Variants in FMN1 observed in about 807,000 individuals in gnomAD.
FMN1 encodes formin-1.
Under a neutral mutation model 132.4 loss-of-function variants are expected in FMN1, and 110 were observed. The ratio of observed to expected loss-of-function variants is 0.83; its 90% CI spans 0.71 to 0.97. The LOEUF (loss-of-function observed/expected upper bound fraction) is 0.97. FMN1 is among the 50% of genes least tolerant of loss of function. The pLI, the probability that FMN1 is intolerant of heterozygous loss-of-function variation, is 0.00. For synonymous variants in FMN1, 722 were observed against 651.7 expected, an observed-to-expected ratio of 1.11 and a Z score of -1.64; for missense variants, 1,792 against 1,705.3, an observed-to-expected ratio of 1.05 and a Z score of -0.90.
chr15:32,891,947 G>A (rs347934), intron 15 of FMN1, among the ~76,000 whole-genome samples: 4,883 of 152,164 alleles, frequency 0.032, 257 homozygotes, highest in African/African-American at 0.11. Flanking sequence ...AGTTATAGGC[G>A]CTTTCTGGAG....
At chr15:33,083,183 G>C (rs572331021) in intron 5 of FMN1, among the ~76,000 whole-genome samples, 1 of 152,074 alleles carries the variant, frequency 6.6e-6, no homozygotes, top group Non-Finnish European at 1.5e-5. Flanking sequence ...TAAAACCCTC[G>C]TAACTTCTTA....
intron 5 of FMN1, among the ~76,000 whole-genome samples, chr15:33,081,753 G>GT (rs1401251327): frequency 6.6e-6 from 1 of 152,208 alleles, no homozygotes; most frequent in Non-Finnish European, 1.5e-5. Flanking sequence ...GATTTGTACA[G>GT]TATGTATACT....
At chr15:32,924,880 C>A (rs1346553647) in intron 10 of FMN1, among the ~76,000 whole-genome samples, 1 of 152,208 alleles carries the variant, frequency 6.6e-6, no homozygotes, top group Non-Finnish European at 1.5e-5. Flanking sequence ...CGCCACTGCA[C>A]TCCAGCCTGG....
intron 6 of FMN1, among the ~76,000 whole-genome samples, chr15:33,055,072 A>G (rs2037155575): frequency 6.6e-6 from 1 of 152,148 alleles, no homozygotes; most frequent in South Asian, 2.1e-4. Context: ...GGGATTGGAC[A>G]ATGCCTCATT....
At chr15:33,021,195 C>G (rs2035399171) in intron 6 of FMN1, among the ~76,000 whole-genome samples, 1 of 152,176 alleles carries the variant, frequency 6.6e-6, no homozygotes, top group Admixed American at 6.5e-5. Context: ...AGTCAGCAGT[C>G]AAGAACAGCC....
At chr15:33,008,329 A>G (rs1596459691) in intron 6 of FMN1, among the ~76,000 whole-genome samples, 1 of 152,200 alleles carries the variant, frequency 6.6e-6, no homozygotes. Context: ...AGAAAAAAAA[A>G]GGGATGATGA....
chr15:32,800,611 T>C (rs576521063), intron 18 of FMN1, among the ~76,000 whole-genome samples: 3 of 152,342 alleles, frequency 2.0e-5, no homozygotes, highest in Non-Finnish European at 4.4e-5. Context: ...CACAGGACTT[T>C]AGAATGGGAA....
intron 4 of FMN1, among the ~76,000 whole-genome samples, chr15:33,107,508 C>A (rs552476482): frequency 1.3e-5 from 2 of 151,814 alleles, no homozygotes; most frequent in Admixed American, 1.3e-4. Flanking sequence ...CTCTCCCTTA[C>A]TTCATTCCAG....
chr15:32,794,776 GC>G (rs1309822178), intron 19 of FMN1, among the ~76,000 whole-genome samples: 1 of 152,080 alleles, frequency 6.6e-6, no homozygotes, highest in East Asian at 1.9e-4. Flanking sequence ...TAAAAGTGAG[GC>G]AAAGTTGCTT....
At chr15:32,818,229 T>G (rs1425140028) in intron 17 of FMN1, among the ~76,000 whole-genome samples, 1 of 152,104 alleles carries the variant, frequency 6.6e-6, no homozygotes, top group East Asian at 1.9e-4. Context: ...AACATAAAGG[T>G]ATAGGTATAG....
chr15:32,894,314 G>A (rs185129864), intron 15 of FMN1, among the ~76,000 whole-genome samples: 28 of 151,900 alleles, frequency 1.8e-4, no homozygotes, highest in East Asian at 5.8e-4. Context: ...GTGAAACCCC[G>A]TTTCTGCTAA....
At chr15:32,930,445 G>A (rs553139038) in intron 9 of FMN1, among the ~76,000 whole-genome samples, 48 of 151,334 alleles carry the variant, frequency 3.2e-4, no homozygotes, top group African/African-American at 1.1e-3. Flanking sequence ...ATTCTGACAC[G>A]TGTGAGGGGT....
At chr15:33,056,949 G>C (rs1022203691) in intron 6 of FMN1, among the ~76,000 whole-genome samples, 1 of 152,200 alleles carries the variant, frequency 6.6e-6, no homozygotes, top group Non-Finnish European at 1.5e-5. Flanking sequence ...GGCTGAGGCA[G>C]GCGATCACTG....
At chr15:32,848,976 T>TG (rs2058929327) in intron 17 of FMN1, among the ~76,000 whole-genome samples, 1 of 103,166 alleles carries the variant, frequency 9.7e-6, no homozygotes, top group South Asian at 3.2e-4. Flanking sequence ...AGTTCTCTTT[T>TG]GTTTTTTTTT....
intron 6 of FMN1, among the ~76,000 whole-genome samples, chr15:33,043,434 T>A (rs1178431224): frequency 6.6e-6 from 1 of 152,204 alleles, no homozygotes; most frequent in African/African-American, 2.4e-5. Context: ...TCACTTCCAT[T>A]TCCTGTACAT....
At chr15:32,937,478 C>T (rs1210106055) in intron 9 of FMN1, among the ~76,000 whole-genome samples, 2 of 152,182 alleles carry the variant, frequency 1.3e-5, no homozygotes, top group East Asian at 1.9e-4. Flanking sequence ...AGGGAACTGG[C>T]CCGTGTATTA....
intron 6 of FMN1, among the ~76,000 whole-genome samples, chr15:33,018,773 G>A (rs963545351): frequency 3.9e-5 from 6 of 152,162 alleles, no homozygotes; most frequent in Non-Finnish European, 7.3e-5. Context: ...TGTGTTCGGA[G>A]TTTCTCCCTT....
At chr15:33,021,249 A>G (rs1566835755) in intron 6 of FMN1, among the ~76,000 whole-genome samples, 1 of 83,520 alleles carries the variant, frequency 1.2e-5, no homozygotes, top group Non-Finnish European at 3.1e-5. Context: ...GTTGACCTTT[A>G]CACCTATGCT....
At chr15:33,165,509 G>T (rs571585764) in intron 3 of FMN1, among the ~76,000 whole-genome samples, 6 of 152,272 alleles carry the variant, frequency 3.9e-5, no homozygotes, top group African/African-American at 1.2e-4. Context: ...TCTTGCCTCA[G>T]CCTCCCGAGT....
Sources: gnomAD v4.1 joint callset for allele counts (sites outside exome capture counted in the v4.1 genomes callset) on GRCh38, gnomAD v4.1.1 for gene constraint, MANE v1.5 for transcripts, NCBI Gene and HGNC (gene_info 2026-07-23, HGNC 2026-07-21) for gene names.